SHANK2: variants seen among roughly 807,000 people sequenced by gnomAD.
SHANK2 encodes the protein SH3 and multiple ankyrin repeat domains protein 2.
Under a neutral mutation model 133.7 loss-of-function variants are expected in SHANK2, and 43 were observed. The observed-to-expected ratio is 0.32, with a 90% CI of 0.25 to 0.41. SHANK2 has a LOEUF of 0.41. Among genes scored for constraint, SHANK2 ranks in the 10% least tolerant of loss-of-function variants. The probability of loss-of-function intolerance (pLI) is 1.00; values close to 1 mark genes in which losing one functional copy is unlikely to be tolerated. For missense variants in SHANK2, 1,994 were observed against 2,235.8 expected, an observed-to-expected ratio of 0.89 and a Z score of 2.18; for synonymous variants, 1,017 against 952.8, an observed-to-expected ratio of 1.07 and a Z score of -1.24.
At chr11:71,187,779 G>A (rs1015502697) in intron 2 of SHANK2, among the ~76,000 whole-genome samples, 13 of 152,154 alleles carry the variant, frequency 8.5e-5, no homozygotes, top group Admixed American at 3.9e-4. Flanking sequence ...TTTGTACTGC[G>A]AGCAGCCTTG....
chr11:70,763,278 G>A (rs1404623213), intron 14 of SHANK2, among the ~76,000 whole-genome samples: 3 of 152,114 alleles, frequency 2.0e-5, no homozygotes, highest in Non-Finnish European at 4.4e-5. Context: ...CAGCAGCCAC[G>A]TACATAACCA....
intron 9 of SHANK2, among the ~76,000 whole-genome samples, chr11:71,065,517 A>AGG (rs1951040861): frequency 3.1e-5 from 1 of 32,292 alleles, no homozygotes; most frequent in Non-Finnish European, 5.9e-5. Flanking sequence ...GTTGGGGTGT[A>AGG]TGTGCAGAAC....
chr11:71,242,222 G>T (rs1954902531), intron 1 of SHANK2, among the ~76,000 whole-genome samples: 1 of 151,980 alleles, frequency 6.6e-6, no homozygotes, highest in African/African-American at 2.4e-5. Flanking sequence ...GTCGCCAGGG[G>T]CTGGGAGAAG....
chr11:70,653,521 C>G (rs2061364946), intron 17 of SHANK2, among the ~76,000 whole-genome samples: 1 of 142,390 alleles, frequency 7.0e-6, no homozygotes, highest in South Asian at 2.2e-4. Context: ...CGGCTCACTG[C>G]AACCTCCCGC....
intron 11 of SHANK2, among the ~76,000 whole-genome samples, chr11:70,847,021 G>C (rs992031269): frequency 2.0e-5 from 3 of 152,228 alleles, no homozygotes; most frequent in African/African-American, 7.2e-5. Flanking sequence ...GCTGGGGCCT[G>C]GGCATTCCCA....
chr11:70,899,363 T>A (rs782537740), intron 10 of SHANK2, among the ~76,000 whole-genome samples: 2 of 152,180 alleles, frequency 1.3e-5, no homozygotes, highest in African/African-American at 2.4e-5. Flanking sequence ...GTGCCTTATG[T>A]CATGACTGTA....
intron 12 of SHANK2, among the ~76,000 whole-genome samples, chr11:70,811,038 C>T (rs1160477714): frequency 1.4e-4 from 22 of 152,178 alleles, no homozygotes; most frequent in Admixed American, 1.3e-3. Context: ...TGCTCTTCAG[C>T]AGGTGGAGTG....
intron 10 of SHANK2, among the ~76,000 whole-genome samples, chr11:70,898,239 T>C (rs1203746940): frequency 6.8e-6 from 1 of 146,444 alleles, no homozygotes; most frequent in Non-Finnish European, 1.5e-5. Flanking sequence ...GTGCTGAGAT[T>C]ACAGGCATGA....
rs12293328 is a variant in SHANK2 at position 71,206,662 on chromosome 11, G to A, written c.-13+18035C>T. Among the ~76,000 whole-genome samples, 1,088 of 152,314 alleles carry A rather than the reference G, an allele frequency of 7.1e-3. 12 individuals are homozygous for A. The highest frequency in any genetic ancestry group is 0.025 in the African/African-American group (1,024 of 41,564). ...TATAATAAAAACGTCAAGGCTGGGT[G>A]CAGTGGCTCATGTCTGTACCCCCAG... On this transcript the variant is annotated intron_variant, in intron 2 of 25. Transcript: ENST00000601538.
chr11:71,233,881 T>C (rs561299565), intron 1 of SHANK2, among the ~76,000 whole-genome samples: 87 of 151,920 alleles, frequency 5.7e-4, no homozygotes, highest in Non-Finnish European at 7.5e-4. Flanking sequence ...ACACCATCTC[T>C]ACTAAAAGTA....
At position 70,807,636 on chromosome 11, in the gene SHANK2, C is replaced by A. The variant is rs1948191373; in HGVS notation, c.1494-465G>T. ...CCTGAGATCACGAGTTCGGGACCAG[C>A]ACGGCCAACATGGTGAAACCTCGTT... On this transcript the variant is annotated intron_variant, in intron 12 of 25. Coordinates refer to ENST00000601538, the MANE Select transcript of SHANK2 (RefSeq NM_012309.5). This position sits in a 1 kb window ranked among gnomAD's most constrained non-coding sequence, Gnocchi z 4.8. Among the ~76,000 whole-genome samples the A allele has an allele frequency of 1.3e-5, 2 of 152,128 alleles. No homozygotes were observed. The highest frequency in any genetic ancestry group is 1.3e-4 in the Admixed American group (2 of 15,274).
chr11:71,210,783 C>T (rs1954258855), intron 2 of SHANK2, among the ~76,000 whole-genome samples: 1 of 152,154 alleles, frequency 6.6e-6, no homozygotes, highest in Non-Finnish European at 1.5e-5. Context: ...AAATAAAACA[C>T]ACTCCACACC....
At chr11:70,698,845 G>A (rs879956125) in intron 14 of SHANK2, 82 bp from the exon 15 acceptor site, 78 of 715,130 alleles carry the variant, frequency 1.1e-4, no homozygotes, top group Non-Finnish European at 1.9e-4. Flanking sequence ...AGGCTGGTGG[G>A]CCCTCTCACC....
intron 10 of SHANK2, among the ~76,000 whole-genome samples, chr11:70,898,594 G>C (rs1279779230): frequency 6.6e-6 from 1 of 152,178 alleles, no homozygotes; most frequent in Non-Finnish European, 1.5e-5. Context: ...TTTGTGGAAG[G>C]TAGACTGTGT....
At chr11:70,766,962 C>G (rs1555041551) in intron 14 of SHANK2, among the ~76,000 whole-genome samples, 2 of 152,238 alleles carry the variant, frequency 1.3e-5, no homozygotes, top group Non-Finnish European at 2.9e-5. Context: ...AAATAACTAG[C>G]TGTCCGGGAG....
intron 21 of SHANK2, among the ~76,000 whole-genome samples, chr11:70,497,226 C>T (rs567553278): frequency 2.0e-4 from 31 of 152,304 alleles, no homozygotes; most frequent in Admixed American, 1.8e-3. Context: ...CTTGCTCAGT[C>T]CTTATCTTGG....
intron 14 of SHANK2, among the ~76,000 whole-genome samples, chr11:70,709,994 C>T (rs1422903257): frequency 6.6e-6 from 1 of 152,124 alleles, no homozygotes; most frequent in African/African-American, 2.4e-5. Context: ...AGGATGAACA[C>T]TGAGATTCCC....
chr11:70,816,822 A>G lies in SHANK2; in HGVS notation c.1493+3542T>C, dbSNP rs144589321. ...AATGGGGCCTCGGTCCACAGCCAGG[A>G]AGCAGACAGCTCTAGCCAGGCCCCC... On this transcript the variant is annotated intron_variant, in intron 12 of 25. Transcript: ENST00000601538. Among the ~76,000 whole-genome samples, 432 of 152,274 alleles carry G rather than the reference A, an allele frequency of 2.8e-3. 1 individual carries two copies. The highest frequency in any genetic ancestry group is 6.8e-3 in the Middle Eastern group (2 of 294).
rs982120449 is a variant in SHANK2, at chr11:70,807,766, G to A, written c.1494-595C>T. 6.6e-6 allele frequency among the ~76,000 whole-genome samples: 1 copy of A among 152,122 alleles called. No homozygotes were observed. Among genetic ancestry groups the A allele is most frequent in the Non-Finnish European group, 1.5e-5 (1 of 68,030 alleles). ...AATTGCTTAAACCTGGGAGGCGGAG[G>A]TTGCGGTGAGCCAAGACTGCACCAT... On this transcript the variant is annotated intron_variant, in intron 12 of 25. Transcript: ENST00000601538. This position sits in a 1 kb window ranked among gnomAD's most constrained non-coding sequence, Gnocchi z 4.8.
Sources: gnomAD v4.1 joint callset for allele counts (sites outside exome capture counted in the v4.1 genomes callset) on GRCh38, gnomAD v4.1.1 for gene constraint, Gnocchi (gnomAD v3.1) non-coding constraint, MANE v1.5 for transcripts, NCBI Gene and HGNC (gene_info 2026-07-23, HGNC 2026-07-21) for gene names.